Variants in RGS7 observed in about 807,000 individuals in gnomAD.
RGS7 encodes the protein regulator of G-protein signaling 7.
A neutral mutation model predicts 81.1 loss-of-function variants in RGS7; 27 were observed. The ratio of observed to expected loss-of-function variants is 0.33; its 90% CI spans 0.25 to 0.46. The LOEUF (loss-of-function observed/expected upper bound fraction) is 0.46, where lower values mean the gene tolerates loss of function less well. Among genes scored for constraint, RGS7 ranks in the 20% least tolerant of loss-of-function variants. RGS7 has a pLI of 1.00. For synonymous variants in RGS7, 208 were observed against 207.7 expected, an observed-to-expected ratio of 1.00 and a Z score of -0.01; for missense variants, 396 against 607.4, an observed-to-expected ratio of 0.65 and a Z score of 3.66.
intron 2 of RGS7, among the ~76,000 whole-genome samples, chr1:241,313,699 GTAGA>G (rs989297364): frequency 8.5e-5 from 13 of 152,280 alleles, no homozygotes; most frequent in African/African-American, 3.1e-4. Flanking sequence ...ATCTATCCAT[GTAGA>G]TAGTGATTTC....
chr1:241,275,817 G>A (rs865795397), intron 2 of RGS7, among the ~76,000 whole-genome samples: 14 of 152,182 alleles, frequency 9.2e-5, no homozygotes, highest in Non-Finnish European at 1.5e-4. Flanking sequence ...TCACTTGCGT[G>A]AACATTACTC....
At chr1:241,324,354 C>G (rs2081377478) in intron 2 of RGS7, among the ~76,000 whole-genome samples, 1 of 151,308 alleles carries the variant, frequency 6.6e-6, no homozygotes, top group Non-Finnish European at 1.5e-5. Context: ...AAAAAAAAAG[C>G]AACTTTTTAC....
chr1:241,327,036 A>AAGGAAGGAAGGAAGGGAGGGAGGGAGGG lies in RGS7; in HGVS notation c.78+28662_78+28663insCCCTCCCTCCCTCCCTTCCTTCCTTCCT, dbSNP rs1416114110. Among the ~76,000 whole-genome samples, 13 of 6,234 alleles carry AAGGAAGGAAGGAAGGGAGGGAGGGAGGG rather than the reference A, an allele frequency of 2.1e-3. 5 individuals are homozygous for AAGGAAGGAAGGAAGGGAGGGAGGGAGGG. The highest frequency in any genetic ancestry group is 0.022 in the East Asian group (2 of 92). The allele number at this position is 6,234 out of a possible 152,430, so 4.1% of individuals were successfully genotyped here. Reference sequence around the variant, plus strand: ...GAAGGAAGGAAGGAAGGAAGGAAGGAAGGGAGGGAGGGGAAAGGAAGGAAG... The same window carrying AAGGAAGGAAGGAAGGGAGGGAGGGAGGG: ...GAAGGAAGGAAGGAAGGAAGGAAGGAAGGAAGGAAGGAAGGGAGGGAGGGAGGGAGGGAGGGAGGGGAAAGGAAGGAAG... On this transcript the variant is annotated intron_variant, in intron 2 of 18. Coordinates refer to ENST00000440928, the MANE Select transcript of RGS7 (RefSeq NM_001364886.1).
At chr1:241,261,506 G>A (rs1436866565) in intron 2 of RGS7, among the ~76,000 whole-genome samples, 3 of 151,856 alleles carry the variant, frequency 2.0e-5, no homozygotes, top group Non-Finnish European at 4.4e-5. Context: ...GCACGTGCCT[G>A]TAGTCTCAGC....
intron 2 of RGS7, among the ~76,000 whole-genome samples, chr1:241,146,868 C>A (rs1013129729): frequency 6.6e-5 from 10 of 152,120 alleles, no homozygotes; most frequent in African/African-American, 2.2e-4. Flanking sequence ...ATGATGCTTT[C>A]TTGCTGTGTG....
At chr1:241,334,723 C>T (rs1288789003) in intron 2 of RGS7, among the ~76,000 whole-genome samples, 3 of 151,868 alleles carry the variant, frequency 2.0e-5, no homozygotes, top group Non-Finnish European at 4.4e-5. Context: ...CCTTTGAATG[C>T]GGTGACCATT....
rs1208353338 is a variant in RGS7 at position 241,284,971 on chromosome 1, C to T, written c.78+70728G>A. Among the ~76,000 whole-genome samples, 5 of 152,144 alleles carry T rather than the reference C, an allele frequency of 3.3e-5. No homozygotes were observed. In the East Asian group the frequency reaches 7.7e-4, roughly 24 times the overall value. ...GTGCAAGCTCCGCCTCCCGGGTTCA[C>T]ATCATTCTCCTGCCTCAGCCTCCCA... On this transcript the variant is annotated intron_variant, in intron 2 of 18. Coordinates refer to ENST00000440928, the MANE Select transcript of RGS7 (RefSeq NM_001364886.1).
At chr1:241,041,409 G>T (rs532487588) in intron 3 of RGS7, among the ~76,000 whole-genome samples, 1 of 151,658 alleles carries the variant, frequency 6.6e-6, no homozygotes, top group Non-Finnish European at 1.5e-5. Flanking sequence ...AAAAATACTC[G>T]CAAAAGCTTG....
chr1:240,959,465 C>G (rs932030951), intron 4 of RGS7, among the ~76,000 whole-genome samples: 1 of 149,452 alleles, frequency 6.7e-6, no homozygotes, highest in Non-Finnish European at 1.5e-5. Context: ...ATGGTATTTG[C>G]ATATCTCAAC....
At chr1:240,960,496 C>T (rs936468864) in intron 4 of RGS7, among the ~76,000 whole-genome samples, 1 of 150,440 alleles carries the variant, frequency 6.6e-6, no homozygotes, top group African/African-American at 2.4e-5. Flanking sequence ...CCCGCCTCAG[C>T]CTTCCAAAGT....
intron 2 of RGS7, among the ~76,000 whole-genome samples, chr1:241,296,798 A>G (rs181738529): frequency 6.6e-5 from 10 of 152,332 alleles, no homozygotes; most frequent in Admixed American, 1.3e-4. Context: ...GATTTGAGAT[A>G]TTTTCTATAA....
At chr1:240,931,035 T>C (rs940204631) in intron 5 of RGS7, among the ~76,000 whole-genome samples, 6 of 152,100 alleles carry the variant, frequency 3.9e-5, no homozygotes, top group Non-Finnish European at 7.4e-5. Flanking sequence ...CCAACTGACA[T>C]AAAGGCAAAA....
intron 2 of RGS7, among the ~76,000 whole-genome samples, chr1:241,230,122 C>A (rs1380192626): frequency 6.6e-6 from 1 of 152,096 alleles, no homozygotes; most frequent in East Asian, 1.9e-4. Flanking sequence ...ACTTTTCTAA[C>A]CTTGCCTTAT....
chr1:241,051,376 AT>A (rs1427005982), intron 3 of RGS7, among the ~76,000 whole-genome samples: 1 of 152,184 alleles, frequency 6.6e-6, no homozygotes, highest in Non-Finnish European at 1.5e-5. Context: ...ACTCGTTTAG[AT>A]GCTTTATCAG....
chr1:240,920,808 G>A (rs952238581), intron 6 of RGS7, among the ~76,000 whole-genome samples: 6 of 152,090 alleles, frequency 3.9e-5, no homozygotes, highest in African/African-American at 1.4e-4. Context: ...TGTATGACAG[G>A]TTATTTTAGT....
At chr1:241,101,520 T>A (rs1465513593) in intron 2 of RGS7, among the ~76,000 whole-genome samples, 1 of 149,800 alleles carries the variant, frequency 6.7e-6, no homozygotes, top group Non-Finnish European at 1.5e-5. Context: ...AATAAATAAA[T>A]AAAAAAGAAA....
At chr1:240,961,174 C>A (rs1246196719) in intron 4 of RGS7, among the ~76,000 whole-genome samples, 1 of 151,898 alleles carries the variant, frequency 6.6e-6, no homozygotes, top group Non-Finnish European at 1.5e-5. Flanking sequence ...AAAAAAAGAG[C>A]AAAGTTGCTG....
intron 4 of RGS7, among the ~76,000 whole-genome samples, chr1:240,981,040 T>C (rs1343314505): frequency 6.6e-6 from 1 of 152,164 alleles, no homozygotes; most frequent in Non-Finnish European, 1.5e-5. Flanking sequence ...CTTACTAGCT[T>C]ATGATATCTG....
At chr1:240,826,342 A>C (rs1692831727) in intron 10 of RGS7, among the ~76,000 whole-genome samples, 1 of 152,226 alleles carries the variant, frequency 6.6e-6, no homozygotes, top group South Asian at 2.1e-4. Context: ...TGGCAACACA[A>C]AATAAGACTA....
Sources: gnomAD v4.1 joint callset for allele counts (sites outside exome capture counted in the v4.1 genomes callset) on GRCh38, gnomAD v4.1.1 for gene constraint, MANE v1.5 for transcripts, NCBI Gene and HGNC (gene_info 2026-07-23, HGNC 2026-07-21) for gene names.